Variants in NKD2 observed in about 807,000 individuals in gnomAD.
The protein encoded by NKD2 is protein naked cuticle homolog 2.
In NKD2, 43 loss-of-function variants were observed where a neutral mutation model predicts 34.8. The ratio of observed to expected loss-of-function variants is 1.24; its 90% confidence interval spans 0.97 to 1.60. The LOEUF is 1.60. Among genes scored for constraint, NKD2 ranks in the 40% most tolerant of loss-of-function variants. The pLI, the probability that NKD2 is intolerant of heterozygous loss-of-function variation, is 0.00. For missense variants in NKD2, 675 were observed against 627.1 expected, an observed-to-expected ratio of 1.08 and a Z score of -0.82; for synonymous variants, 278 against 265.1, an observed-to-expected ratio of 1.05 and a Z score of -0.47.
chr5:1,033,123 C>T (rs1161190836), intron 4 of NKD2, among the ~76,000 whole-genome samples: 2 of 152,188 alleles, frequency 1.3e-5, no homozygotes, highest in African/African-American at 4.8e-5. Flanking sequence ...TCTGCTGCAC[C>T]CCCAGCTCTG....
rs116225538 is a variant in NKD2, at chr5:1,010,223, G to A, written c.141+663G>A. 4.1e-3 allele frequency among the ~76,000 whole-genome samples: 629 copies of A among 152,330 alleles called. 8 individuals carry two copies. Among genetic ancestry groups the A allele is most frequent in the African/African-American group, 0.014 (600 of 41,566 alleles). On this transcript the variant is annotated intron_variant, in intron 3 of 9. Coordinates refer to ENST00000296849, the MANE Select transcript of NKD2 (RefSeq NM_033120.4). The stretch of plus-strand genomic sequence containing the variant: ...ACTGTCCAGGTCTGGGGCCCTGGAA[G>A]GGCCTGGGGTAAATTAGACCTGCAT...
intron 3 of NKD2, among the ~76,000 whole-genome samples, chr5:1,019,857 G>A (rs571218638): frequency 6.6e-6 from 1 of 152,280 alleles, no homozygotes; most frequent in South Asian, 2.1e-4. Context: ...AAACAAAAAC[G>A]TCCGGTGGGT....
chr5:1,026,714 C>T (rs80348059), intron 3 of NKD2, among the ~76,000 whole-genome samples: 2,844 of 152,380 alleles, frequency 0.019, 45 homozygotes, highest in Non-Finnish European at 0.03. Flanking sequence ...GCTCCCCTCC[C>T]TGAGCCACCT....
At chr5:1,013,702 A>G (rs1267813797) in intron 3 of NKD2, among the ~76,000 whole-genome samples, 2 of 150,658 alleles carry the variant, frequency 1.3e-5, no homozygotes, top group Non-Finnish European at 2.9e-5. Context: ...GCTGACTGGG[A>G]GAGCGTGCTG....
rs561456914 is a variant in NKD2 at position 1,034,622 on chromosome 5, T to C, written c.427-134T>C. 6.1e-6 allele frequency: 6 copies of C among 984,382 alleles called. No individual in the cohort carries two copies. The Admixed American group carries it at 1.4e-4, about 22-fold the overall frequency. The allele number at this position is 984,382 out of a possible 1,614,324, so 61.0% of individuals were successfully genotyped here. ...AGGCTGCTCCGAGAAGATGCCTGTGTTGGTTCCTGTGGTCTGTTGGTGGAT... is the reference window on the plus strand; with the variant it reads ...AGGCTGCTCCGAGAAGATGCCTGTGCTGGTTCCTGTGGTCTGTTGGTGGAT... On this transcript the variant is annotated intron_variant, in intron 6 of 9. Coordinates refer to ENST00000296849, the MANE Select transcript of NKD2 (RefSeq NM_033120.4).
rs1734154779 is a variant in NKD2, at chr5:1,038,697, G to A, written c.*324G>A. The A allele has an allele frequency of 3.4e-6, 2 of 587,110 alleles. No individual in the cohort carries two copies. The highest frequency in any genetic ancestry group is 6.1e-6 in the Non-Finnish European group (2 of 326,374). The allele number at this position is 587,110 out of a possible 1,614,324, so 36.4% of individuals were successfully genotyped here. A position where few individuals can be genotyped will look rare whatever the true frequency, so the allele number is the denominator to read the frequency against. On this transcript the variant is annotated 3_prime_UTR_variant, in exon 10 of 10. Coordinates refer to ENST00000296849, the MANE Select transcript of NKD2 (RefSeq NM_033120.4). The surrounding 1 kb of genome is among the most constrained non-coding windows in gnomAD (Gnocchi z 4.5). ...TGATTCCAAAATGAGGCCCTGGAGT[G>A]CGCAAGGAGTGCCCGGATGCTTGGG...
Position 1,038,418 on chromosome 5 carries a change from G to C in NKD2, c.*45G>C, listed in dbSNP as rs1217037591. Reference sequence around the variant, plus strand: ...TCGCTCCCAGCACACCACAGCCCGCGACCTCAGGGCAGGGAGCAGAGCAGC... The same window carrying C: ...TCGCTCCCAGCACACCACAGCCCGCCACCTCAGGGCAGGGAGCAGAGCAGC... On this transcript the variant is annotated 3_prime_UTR_variant, in exon 10 of 10. Transcript: ENST00000296849. This position sits in a 1 kb window ranked among gnomAD's most constrained non-coding sequence, Gnocchi z 4.5. The C allele has an allele frequency of 6.5e-7, 1 of 1,535,414 alleles. No individual in the cohort carries two copies. Among genetic ancestry groups the C allele is most frequent in the Admixed American group, 2.0e-5 (1 of 50,984 alleles).
At chr5:1,010,739 A>C (rs1402100201) in intron 3 of NKD2, among the ~76,000 whole-genome samples, 1 of 152,066 alleles carries the variant, frequency 6.6e-6, no homozygotes, top group Non-Finnish European at 1.5e-5. Flanking sequence ...CTTGCTGGTG[A>C]GTGGATGGTG....
chr5:1,019,962 G>A (rs1266258219), intron 3 of NKD2, among the ~76,000 whole-genome samples: 1 of 152,158 alleles, frequency 6.6e-6, no homozygotes, highest in Admixed American at 6.5e-5. Flanking sequence ...GGCGGTTGAG[G>A]GTGCAGCAGT....
chr5:1,038,220 T>C lies in NKD2; in HGVS notation c.1203T>C (p.Ala401=), dbSNP rs369702783. The C allele has an allele frequency of 8.8e-5, 140 of 1,591,146 alleles. 1 individual carries two copies. The East Asian group carries it at 9.1e-4, about 10-fold the overall frequency. ...ACTCGCCACTCAAGGCCCCACACGCTCAGCCTGCCACAGTGGAGCACGAGG... is the reference window on the plus strand; with the variant it reads ...ACTCGCCACTCAAGGCCCCACACGCCCAGCCTGCCACAGTGGAGCACGAGG... ...EGHSPLKAPH[A]QPATVEHEVV... The change falls in exon 10 of 10, where the codon GCT becomes GCC. Residue 401 remains alanine, a synonymous_variant. Coordinates refer to ENST00000296849, the MANE Select transcript of NKD2 (RefSeq NM_033120.4). This position sits in a 1 kb window ranked among gnomAD's most constrained non-coding sequence, Gnocchi z 4.5.
intron 3 of NKD2, among the ~76,000 whole-genome samples, chr5:1,027,056 G>T (rs1756445062): frequency 6.6e-6 from 1 of 152,266 alleles, no homozygotes; most frequent in African/African-American, 2.4e-5. Context: ...CAGGACATGG[G>T]CCAGGCTGTC....
intron 3 of NKD2, among the ~76,000 whole-genome samples, chr5:1,018,270 C>G (rs1426089509): frequency 1.3e-5 from 2 of 152,168 alleles, no homozygotes; most frequent in African/African-American, 4.8e-5. Context: ...TGCCGGATGA[C>G]CCTCGGGTGA....
At chr5:1,028,013 T>TG (rs2150741418) in intron 3 of NKD2, among the ~76,000 whole-genome samples, 1 of 152,266 alleles carries the variant, frequency 6.6e-6, no homozygotes, top group Admixed American at 6.5e-5. Flanking sequence ...CGCTGGCACG[T>TG]GGGGAACACA....
intron 9 of NKD2, chr5:1,036,712 G>T: frequency 3.8e-6 from 2 of 524,370 alleles, no homozygotes; most frequent in Non-Finnish European, 3.7e-6. Context: ...CTGCCTTGGG[G>T]TGAGAAGTCA....
At chr5:1,018,846 T>C (rs1023308161) in intron 3 of NKD2, among the ~76,000 whole-genome samples, 2 of 152,162 alleles carry the variant, frequency 1.3e-5, no homozygotes, top group African/African-American at 4.8e-5. Context: ...GGGGTCTGTT[T>C]GCCTGTCGTG....
At chr5:1,029,590 G>C (rs1000112320) in intron 3 of NKD2, among the ~76,000 whole-genome samples, 1 of 152,154 alleles carries the variant, frequency 6.6e-6, no homozygotes, top group Non-Finnish European at 1.5e-5. Flanking sequence ...AACACGGCAC[G>C]GGCTGCGTTT....
chr5:1,019,523 C>T (rs527473806), intron 3 of NKD2, among the ~76,000 whole-genome samples: 6 of 152,132 alleles, frequency 3.9e-5, no homozygotes, highest in African/African-American at 7.2e-5. Flanking sequence ...TGGAGCCTCT[C>T]GCCAGCCACA....
Position 1,035,374 on chromosome 5 carries a change from G to A in NKD2, c.575-15G>A. The A allele has an allele frequency of 6.4e-7, 1 of 1,551,578 alleles. No homozygotes were observed. Among genetic ancestry groups the A allele is most frequent in the South Asian group, 1.2e-5 (1 of 84,120 alleles). On this transcript the variant is annotated splice_polypyrimidine_tract_variant and intron_variant, in intron 7 of 9. Transcript: ENST00000296849. ...AGGAGGGAGGGAGTGAGTAATGGCA[G>A]GACCCCCCTTTCAGACCGGGAGCCC...
At chr5:1,019,662 T>A (rs1756097425) in intron 3 of NKD2, among the ~76,000 whole-genome samples, 1 of 152,200 alleles carries the variant, frequency 6.6e-6, no homozygotes, top group African/African-American at 2.4e-5. Flanking sequence ...TGTAATCAAA[T>A]ATAAGCCCCT....
Sources: gnomAD v4.1 joint callset for allele counts (sites outside exome capture counted in the v4.1 genomes callset) on GRCh38, gnomAD v4.1.1 for gene constraint, Gnocchi (gnomAD v3.1) non-coding constraint, MANE v1.5 for transcripts, NCBI Gene and HGNC (gene_info 2026-07-23, HGNC 2026-07-21) for gene names.